STON2: variants seen among roughly 807,000 people sequenced by gnomAD.
STON2 encodes stonin 2, also known as stonin-2.
In STON2, 29 loss-of-function variants were observed where a neutral mutation model predicts 65.7. That is an observed-to-expected ratio of 0.44 (90% CI 0.33 to 0.60). The LOEUF (loss-of-function observed/expected upper bound fraction) is 0.60, where lower values mean the gene tolerates loss of function less well. Ranked by LOEUF, STON2 falls within the 20% of genes least tolerant of loss-of-function variation. The pLI is 0.03. For missense variants in STON2, 1,054 were observed against 1,118.1 expected (o/e 0.94, Z 0.82); for synonymous variants, 404 against 414.2 (o/e 0.98, Z 0.30).
At chr14:81,283,530 A>ATTTTTTTTTTTTTT (rs10653687) in intron 5 of STON2, among the ~76,000 whole-genome samples, 1 of 128,906 alleles carries the variant, frequency 7.8e-6, no homozygotes. Context: ...CAGATACTGC[A>ATTTTTTTTTTTTTT]TTTTTTTTTT....
intron 4 of STON2, among the ~76,000 whole-genome samples, chr14:81,368,524 ACC>A (rs1020304275): frequency 1.3e-5 from 2 of 151,998 alleles, no homozygotes; most frequent in Non-Finnish European, 2.9e-5. Flanking sequence ...GATCAGCCTG[ACC>A]AACATGGCGA....
chr14:81,330,896 T>G (rs1897186831), intron 4 of STON2, among the ~76,000 whole-genome samples: 1 of 152,346 alleles, frequency 6.6e-6, no homozygotes, highest in South Asian at 2.1e-4. Context: ...CATAACAAGC[T>G]GCTTAGTGAT....
chr14:81,400,951 T>C (rs1900582857), upstream of STON2, among the ~76,000 whole-genome samples: 1 of 152,208 alleles, frequency 6.6e-6, no homozygotes, highest in Admixed American at 6.5e-5. Context: ...ATAAACCCTC[T>C]GTAACGATGA....
intron 4 of STON2, among the ~76,000 whole-genome samples, chr14:81,368,609 G>T (rs1898843883): frequency 6.6e-6 from 1 of 152,140 alleles, no homozygotes; most frequent in South Asian, 2.1e-4. Flanking sequence ...AGCTACTTGG[G>T]AGGCTGAGGC....
chr14:81,363,376 T>C (rs1024783884), intron 4 of STON2, among the ~76,000 whole-genome samples: 1 of 152,166 alleles, frequency 6.6e-6, no homozygotes, highest in African/African-American at 2.4e-5. Flanking sequence ...CACTTCCTCA[T>C]GGGAAAATAT....
intron 2 of STON2, among the ~76,000 whole-genome samples, chr14:81,417,796 C>G (rs557312323): frequency 6.6e-6 from 1 of 152,256 alleles, no homozygotes; most frequent in African/African-American, 2.4e-5. Context: ...AGATGACTGA[C>G]TCTTGGAGCA....
chr14:81,390,193 CAAAAAAAA>C (rs759154677), intron 3 of STON2, among the ~76,000 whole-genome samples: 10 of 88,370 alleles, frequency 1.1e-4, no homozygotes, highest in Non-Finnish European at 1.6e-4. Flanking sequence ...GACTCCATTT[CAAAAAAAA>C]AAAAAAAGAA....
At chr14:81,392,992 C>T (rs996450748) in intron 3 of STON2, among the ~76,000 whole-genome samples, 1 of 152,148 alleles carries the variant, frequency 6.6e-6, no homozygotes, top group Non-Finnish European at 1.5e-5. Flanking sequence ...ATGATTTTAA[C>T]CCCAAAGACG....
intron 6 of STON2, among the ~76,000 whole-genome samples, chr14:81,275,690 CA>C (rs1052520336): frequency 5.3e-5 from 8 of 152,102 alleles, no homozygotes; most frequent in African/African-American, 1.9e-4. Flanking sequence ...CACAGAGATC[CA>C]ATTGTCTCTT....
intron 1 of STON2, among the ~76,000 whole-genome samples, chr14:81,399,632 A>T (rs779378265): frequency 2.0e-5 from 3 of 152,208 alleles, no homozygotes; most frequent in Non-Finnish European, 4.4e-5. Context: ...AAAAACAACT[A>T]ATGTTTATAT....
At chr14:81,283,808 C>A (rs889874642) in intron 5 of STON2, among the ~76,000 whole-genome samples, 1 of 152,168 alleles carries the variant, frequency 6.6e-6, no homozygotes, top group South Asian at 2.1e-4. Flanking sequence ...GGATTACAGG[C>A]GTGAGCCACT....
intron 3 of STON2, among the ~76,000 whole-genome samples, chr14:81,389,136 G>A (rs1899959202): frequency 6.6e-6 from 1 of 152,186 alleles, no homozygotes; most frequent in African/African-American, 2.4e-5. Context: ...GGAATATGAA[G>A]AGTAAAATGG....
At chr14:81,366,691 G>A (rs1898746529) in intron 4 of STON2, among the ~76,000 whole-genome samples, 1 of 152,032 alleles carries the variant, frequency 6.6e-6, no homozygotes, top group Non-Finnish European at 1.5e-5. Context: ...TTGCTGCTGA[G>A]AAATGCAAAG....
intron 1 of STON2, among the ~76,000 whole-genome samples, chr14:81,434,179 T>C (rs1390328802): frequency 1.3e-5 from 2 of 152,176 alleles, no homozygotes; most frequent in Non-Finnish European, 2.9e-5. Flanking sequence ...AAAATAATAA[T>C]AAAATTAAAA....
At chr14:81,299,141 G>A (rs1053164596) in intron 5 of STON2, among the ~76,000 whole-genome samples, 2 of 152,122 alleles carry the variant, frequency 1.3e-5, no homozygotes, top group African/African-American at 4.8e-5. Flanking sequence ...GAATCATGGT[G>A]GTCACTTTAA....
chr14:81,378,750 T>C (rs572036575), intron 3 of STON2, among the ~76,000 whole-genome samples: 55 of 152,238 alleles, frequency 3.6e-4, no homozygotes, highest in Non-Finnish European at 6.6e-4. Context: ...TTGGGGATAA[T>C]ATCACCCTGT....
chr14:81,337,657 C>G (rs1897426396), intron 4 of STON2, among the ~76,000 whole-genome samples: 1 of 152,006 alleles, frequency 6.6e-6, no homozygotes, highest in African/African-American at 2.4e-5. Context: ...AAAGAGGGAA[C>G]AGCAAGAGAA....
chr14:81,286,948 G>C (rs1426757873), intron 5 of STON2, among the ~76,000 whole-genome samples: 2 of 152,274 alleles, frequency 1.3e-5, no homozygotes, highest in East Asian at 3.9e-4. Context: ...GCTAAAATCT[G>C]GTGAATTTTT....
chr14:81,320,952 C>T (rs1033418259), intron 5 of STON2, among the ~76,000 whole-genome samples: 1 of 152,218 alleles, frequency 6.6e-6, no homozygotes, highest in Admixed American at 6.5e-5. Flanking sequence ...TTAAAGACTA[C>T]AGGCTGATGC....
Sources: gnomAD v4.1 joint callset for allele counts (sites outside exome capture counted in the v4.1 genomes callset) on GRCh38, gnomAD v4.1.1 for gene constraint, MANE v1.5 for transcripts, NCBI Gene and HGNC (gene_info 2026-07-23, HGNC 2026-07-21) for gene names.